RANBP17: variants seen among roughly 807,000 people sequenced by gnomAD.
The protein encoded by RANBP17 is RAN binding protein 17, also known as ran-binding protein 17.
RANBP17 carries 158 observed loss-of-function variants against 141.2 expected under a neutral mutation model. The observed-to-expected ratio is 1.12, with a 90% CI of 0.98 to 1.28. The LOEUF (loss-of-function observed/expected upper bound fraction) is 1.28, where lower values mean the gene tolerates loss of function less well. Among genes scored for constraint, RANBP17 ranks in the 50% most tolerant of loss-of-function variants. RANBP17 has a pLI of 0.00. For synonymous variants in RANBP17, 430 were observed against 450.0 expected (o/e 0.96, Z 0.56); for missense variants, 1,438 against 1,290.7 (o/e 1.11, Z -1.75).
chr5:171,295,090 G>A (rs968343808), intron 26 of RANBP17, among the ~76,000 whole-genome samples: 5 of 152,166 alleles, frequency 3.3e-5, no homozygotes, highest in African/African-American at 1.2e-4. Context: ...GATGTAAGCT[G>A]TTTTAATGTA....
At chr5:171,183,077 A>G in intron 16 of RANBP17, 90 bp from the exon 17 acceptor site, 1 of 675,534 alleles carries the variant, frequency 1.5e-6, no homozygotes, top group South Asian at 1.9e-5. Flanking sequence ...ATAAGTAGAA[A>G]TTGATGCCAC....
At chr5:171,100,830 C>G (rs148518868) in intron 14 of RANBP17, among the ~76,000 whole-genome samples, 1 of 152,174 alleles carries the variant, frequency 6.6e-6, no homozygotes, top group South Asian at 2.1e-4. Flanking sequence ...AAAGAACTTA[C>G]TTATTTCTGC....
At chr5:171,234,170 C>T (rs979443963) in intron 22 of RANBP17, among the ~76,000 whole-genome samples, 1 of 152,114 alleles carries the variant, frequency 6.6e-6, no homozygotes, top group Non-Finnish European at 1.5e-5. Flanking sequence ...GTAAAGACTT[C>T]CAGTAAATGA....
In RANBP17 at chr5:170,909,653, CT is replaced by C. The variant is rs757708600; in HGVS notation, c.490-3del. On this transcript the variant is annotated splice_region_variant and splice_polypyrimidine_tract_variant and intron_variant, in intron 5 of 27. Coordinates refer to ENST00000523189, the MANE Select transcript of RANBP17 (RefSeq NM_022897.5). ...CTGGTTAAACTAATTTCATCTTTAT[CT>C]TTTTAGGTTGATTATTCTAGACCTT... 2.9e-6 allele frequency: 3 copies of C among 1,025,070 alleles called. No homozygotes were observed. In the East Asian group the frequency reaches 1.3e-4, roughly 44 times the overall value. The allele number at this position is 1,025,070 out of a possible 1,614,324, so 63.5% of individuals were successfully genotyped here.
chr5:171,157,515 T>TGA (rs1758993106), intron 14 of RANBP17, among the ~76,000 whole-genome samples: 1 of 152,216 alleles, frequency 6.6e-6, no homozygotes, highest in Non-Finnish European at 1.5e-5. Flanking sequence ...ACATTGAAAC[T>TGA]TGTCTTTACT....
At chr5:170,964,445 G>T (rs1448355158) in intron 13 of RANBP17, among the ~76,000 whole-genome samples, 1 of 151,902 alleles carries the variant, frequency 6.6e-6, no homozygotes, top group Non-Finnish European at 1.5e-5. Flanking sequence ...TGTGCACAAT[G>T]TGCAGGTTAG....
chr5:171,243,492 A>C (rs552492072), intron 24 of RANBP17, among the ~76,000 whole-genome samples: 132 of 152,310 alleles, frequency 8.7e-4, no homozygotes, highest in Non-Finnish European at 1.8e-3. Context: ...TTCCTATACA[A>C]GTATTTATGT....
chr5:171,033,007 A>G (rs1018856536), intron 14 of RANBP17, among the ~76,000 whole-genome samples: 3 of 152,268 alleles, frequency 2.0e-5, no homozygotes, highest in African/African-American at 7.2e-5. Context: ...TTTATGTATT[A>G]CATGAATCAT....
At chr5:171,033,310 A>G (rs1213329875) in intron 14 of RANBP17, among the ~76,000 whole-genome samples, 1 of 152,196 alleles carries the variant, frequency 6.6e-6, no homozygotes, top group Middle Eastern at 3.2e-3. Context: ...ATGCAGCAAT[A>G]TTCTAAGCAA....
intron 14 of RANBP17, among the ~76,000 whole-genome samples, chr5:171,129,508 A>T (rs1373086016): frequency 6.6e-6 from 1 of 152,096 alleles, no homozygotes; most frequent in African/African-American, 2.4e-5. Context: ...GCCCAGAGCA[A>T]CTTCTGTGGG....
At chr5:171,257,723 T>C (rs945555959) in intron 24 of RANBP17, among the ~76,000 whole-genome samples, 1 of 152,202 alleles carries the variant, frequency 6.6e-6, no homozygotes, top group Non-Finnish European at 1.5e-5. Flanking sequence ...TAGAAAATCA[T>C]TGTACAAAAA....
chr5:171,247,722 C>T (rs1386018752), intron 24 of RANBP17, among the ~76,000 whole-genome samples: 1 of 152,152 alleles, frequency 6.6e-6, no homozygotes, highest in African/African-American at 2.4e-5. Context: ...CTCTGAACTC[C>T]TTCATTCAGT....
chr5:171,172,697 C>T (rs1477337137), intron 16 of RANBP17, among the ~76,000 whole-genome samples: 1 of 151,560 alleles, frequency 6.6e-6, no homozygotes, highest in Admixed American at 6.6e-5. Context: ...TAGCATATAT[C>T]TATTGTTTAG....
intron 4 of RANBP17, among the ~76,000 whole-genome samples, chr5:170,895,534 T>C (rs1161359193): frequency 6.6e-6 from 1 of 152,208 alleles, no homozygotes; most frequent in Non-Finnish European, 1.5e-5. Flanking sequence ...TTCATATACA[T>C]GCACAATTAA....
intron 3 of RANBP17, among the ~76,000 whole-genome samples, chr5:170,884,150 G>A (rs1369654887): frequency 6.6e-6 from 1 of 152,188 alleles, no homozygotes; most frequent in Non-Finnish European, 1.5e-5. Context: ...TGATAGATGT[G>A]TAGTGGTATC....
At chr5:171,271,605 T>A (rs3749697) in intron 25 of RANBP17, 25,899 of 208,670 alleles carry the variant, frequency 0.12, 1,935 homozygotes, top group Admixed American at 0.17. Context: ...ATAAAAAATA[T>A]GCTCTTTATG....
chr5:171,286,209 T>C (rs1051894907), intron 25 of RANBP17, among the ~76,000 whole-genome samples: 1 of 152,188 alleles, frequency 6.6e-6, no homozygotes, highest in Non-Finnish European at 1.5e-5. Flanking sequence ...CATGCAGTGC[T>C]AATATATGAC....
At chr5:171,041,954 T>C (rs1782278910) in intron 14 of RANBP17, among the ~76,000 whole-genome samples, 1 of 152,128 alleles carries the variant, frequency 6.6e-6, no homozygotes, top group Non-Finnish European at 1.5e-5. Flanking sequence ...CCATGTGTTC[T>C]CATTATTCTG....
At chr5:171,115,056 A>G (rs1416862642) in intron 14 of RANBP17, among the ~76,000 whole-genome samples, 1 of 152,072 alleles carries the variant, frequency 6.6e-6, no homozygotes, top group Non-Finnish European at 1.5e-5. Context: ...AGCTGTGATT[A>G]TGCCACTGCA....
Sources: gnomAD v4.1 joint callset for allele counts (sites outside exome capture counted in the v4.1 genomes callset) on GRCh38, gnomAD v4.1.1 for gene constraint, MANE v1.5 for transcripts, NCBI Gene and HGNC (gene_info 2026-07-23, HGNC 2026-07-21) for gene names.